ZMYM2: variants seen among roughly 807,000 people sequenced by gnomAD.
ZMYM2 encodes the protein zinc finger MYM-type containing 2.
In ZMYM2, 56 loss-of-function variants were observed where a neutral mutation model predicts 162.8. The ratio of observed to expected loss-of-function variants is 0.34; its 90% CI spans 0.28 to 0.43. The LOEUF (loss-of-function observed/expected upper bound fraction) is 0.43. ZMYM2 is among the 20% of genes least tolerant of loss of function. The pLI is 1.00. For missense variants in ZMYM2, 1,275 were observed against 1,621.8 expected, an observed-to-expected ratio of 0.79 and a Z score of 3.67; for synonymous variants, 510 against 541.6, an observed-to-expected ratio of 0.94 and a Z score of 0.81.
chr13:20,000,163 A>G lies in ZMYM2; in HGVS notation c.848-2687A>G, dbSNP rs558137030. On this transcript the variant is annotated intron_variant, in intron 3 of 24. Coordinates refer to ENST00000610343, the MANE Select transcript of ZMYM2 (RefSeq NM_197968.4). ...GTCTGGATAGAAGATCAAACCAACT[A>G]TGACATTTCCTTAAGCCAAAGCTTA... Among the ~76,000 whole-genome samples the G allele has an allele frequency of 9.8e-5, 15 of 152,298 alleles. No individual in the cohort carries two copies. In the East Asian group the frequency reaches 2.5e-3, roughly 25 times the overall value.
chr13:20,001,287 G>A (rs754975752), intron 3 of ZMYM2, among the ~76,000 whole-genome samples: 2 of 151,922 alleles, frequency 1.3e-5, no homozygotes, highest in Admixed American at 6.6e-5. Flanking sequence ...AGCTGCTTGG[G>A]AGACTGAGGC....
chr13:19,975,971 C>T (rs1956750448), intron 2 of ZMYM2, among the ~76,000 whole-genome samples: 1 of 151,942 alleles, frequency 6.6e-6, no homozygotes, highest in African/African-American at 2.4e-5. Flanking sequence ...GATTCTTTCA[C>T]CTTGGCCTTC....
chr13:19,908,883 T>A, the ZMYM2 span, among the ~76,000 whole-genome samples: 1 of 152,208 alleles, frequency 6.6e-6, no homozygotes, highest in African/African-American at 2.4e-5. Flanking sequence ...GCAAATAAAG[T>A]CTTACTGTTA....
chr13:19,962,516 T>TATATATATATATA (rs1491235309), intron 2 of ZMYM2, among the ~76,000 whole-genome samples: 4 of 29,812 alleles, frequency 1.3e-4, no homozygotes, highest in African/African-American at 3.7e-4. Flanking sequence ...TATATATATA[T>TATATATATATATA]TTTTTTTTTT....
At chr13:19,985,956 C>T (rs1020244519) in intron 2 of ZMYM2, among the ~76,000 whole-genome samples, 2 of 152,076 alleles carry the variant, frequency 1.3e-5, no homozygotes, top group African/African-American at 2.4e-5. Flanking sequence ...GAGGTTGAGG[C>T]AGGCAGGTTG....
chr13:20,075,118 C>T (rs1455000932), intron 21 of ZMYM2, among the ~76,000 whole-genome samples: 1 of 152,142 alleles, frequency 6.6e-6, no homozygotes, highest in Non-Finnish European at 1.5e-5. Flanking sequence ...GAAATCAGTG[C>T]TGTTTAATAT....
intron 7 of ZMYM2, chr13:20,025,049 A>G (rs1341708771): frequency 3.8e-5 from 8 of 212,304 alleles, no homozygotes; most frequent in African/African-American, 1.8e-4. Flanking sequence ...GTATTTTTTT[A>G]TTTTTACCTT....
In ZMYM2 at chr13:20,006,477, A is replaced by G; in HGVS notation, c.1403A>G (p.Glu468Gly). Residue 468 changes from glutamate to glycine, a missense_variant, in exon 6 of 25, where the codon GAA (glutamate) becomes GGA (glycine). By Grantham distance (98) the Glu-to-Gly change is moderately conservative (BLOSUM62 -2). Coordinates refer to ENST00000610343, the MANE Select transcript of ZMYM2 (RefSeq NM_197968.4). ...MANGLIMNCC[E>G]QCGEYLPSKG... ...AATGGTTTAATAATGAATTGCTGTGAACAGTGTGGAGAGTACTTGCCCAGT... is the reference window on the plus strand; with the variant it reads ...AATGGTTTAATAATGAATTGCTGTGGACAGTGTGGAGAGTACTTGCCCAGT... 6.2e-7 allele frequency: 1 copy of G among 1,613,614 alleles called. No individual in the cohort carries two copies. The highest frequency in any genetic ancestry group is 8.5e-7 in the Non-Finnish European group (1 of 1,179,704).
intron 2 of ZMYM2, among the ~76,000 whole-genome samples, chr13:19,981,759 A>G (rs918993344): frequency 2.6e-5 from 4 of 152,162 alleles, no homozygotes; most frequent in Non-Finnish European, 4.4e-5. Context: ...TACTGTTTCT[A>G]CCAACTTGAG....
At chr13:19,949,598 G>C in the ZMYM2 span, among the ~76,000 whole-genome samples, 1 of 150,934 alleles carries the variant, frequency 6.6e-6, no homozygotes, top group South Asian at 2.1e-4. Context: ...TTGAAAGAAA[G>C]AAAAAATAGG....
At chr13:19,918,675 T>G in the ZMYM2 span, among the ~76,000 whole-genome samples, 2 of 151,608 alleles carry the variant, frequency 1.3e-5, no homozygotes, top group Admixed American at 1.3e-4. Context: ...ATTTTTTGTA[T>G]TTTTAGTAGA....
chr13:19,910,904 A>G, the ZMYM2 span, among the ~76,000 whole-genome samples: 1 of 152,154 alleles, frequency 6.6e-6, no homozygotes, highest in African/African-American at 2.4e-5. Flanking sequence ...AGTTAACCAC[A>G]GTGTTCTAGG....
chr13:19,879,147 TTTGAG>T, the ZMYM2 span, among the ~76,000 whole-genome samples: 7 of 152,198 alleles, frequency 4.6e-5, no homozygotes, highest in Admixed American at 2.0e-4. Flanking sequence ...TTTGATTCAT[TTTGAG>T]TTAATTTTTG....
intron 2 of ZMYM2, among the ~76,000 whole-genome samples, chr13:19,975,254 T>G (rs1956682846): frequency 6.6e-6 from 1 of 152,090 alleles, no homozygotes; most frequent in African/African-American, 2.4e-5. Flanking sequence ...TGACATTAAG[T>G]ACATTCACAG....
chr13:19,994,845 T>A (rs562011663), intron 3 of ZMYM2, among the ~76,000 whole-genome samples: 19 of 152,128 alleles, frequency 1.2e-4, no homozygotes, highest in African/African-American at 4.6e-4. Context: ...AATTAGTTAA[T>A]TTTTTGGGAC....
chr13:19,985,551 A>G (rs561722598), intron 2 of ZMYM2, among the ~76,000 whole-genome samples: 20 of 152,002 alleles, frequency 1.3e-4, no homozygotes, highest in African/African-American at 4.1e-4. Context: ...TAAAAACAAT[A>G]AGAGCTGTGG....
the ZMYM2 span, among the ~76,000 whole-genome samples, chr13:19,885,878 T>C: frequency 7.5e-5 from 8 of 107,344 alleles, 2 homozygotes; most frequent in African/African-American, 2.6e-4. Context: ...TATATGTATA[T>C]ACACATATAT....
chr13:19,926,609 C>A, the ZMYM2 span, among the ~76,000 whole-genome samples: 1 of 152,130 alleles, frequency 6.6e-6, no homozygotes, highest in Non-Finnish European at 1.5e-5. Context: ...AGTGATCCAC[C>A]CACCTCGGCC....
At chr13:19,938,582 T>TTA in the ZMYM2 span, among the ~76,000 whole-genome samples, 53,905 of 151,780 alleles carry the variant, frequency 0.36, 9,746 homozygotes, top group African/African-American at 0.42. Flanking sequence ...TAAATAAAAT[T>TTA]ATGGAGGGGG....
Sources: allele counts gnomAD v4.1 joint callset (sites outside exome capture counted in the v4.1 genomes callset), GRCh38; gene constraint gnomAD v4.1.1; transcripts MANE v1.5; gene names NCBI Gene and HGNC (gene_info 2026-07-23, HGNC 2026-07-21).